Variants in PCDHGA7 observed in about 807,000 individuals in gnomAD.
PCDHGA7 encodes protocadherin gamma-A7.
A neutral mutation model predicts 58.3 loss-of-function variants in PCDHGA7; 44 were observed. That is an observed-to-expected ratio of 0.75 (90% confidence interval 0.59 to 0.97). The LOEUF (loss-of-function observed/expected upper bound fraction) is 0.97. Among genes scored for constraint, PCDHGA7 ranks in the 50% least tolerant of loss-of-function variants. The probability of loss-of-function intolerance (pLI) is 0.00; values close to 1 mark genes in which losing one functional copy is unlikely to be tolerated. For synonymous variants in PCDHGA7, 516 were observed against 504.2 expected (o/e 1.02, Z -0.31); for missense variants, 1,266 against 1,188.7 (o/e 1.06, Z -0.96).
In PCDHGA7 at chr5:141,453,101, TTTTTG is replaced by T. The variant is rs879618609; in HGVS notation, c.2425-41681_2425-41677del. ...GTTGATTAGTATATTTTCTGTTGCT[TTTTTG>T]TTTTGTTTTGTTTTGTTTTGTTTTT... On this transcript the variant is annotated intron_variant, in intron 1 of 3. Transcript: ENST00000518325. 4.4e-4 allele frequency among the ~76,000 whole-genome samples: 67 copies of T among 152,130 alleles called. 1 individual carries two copies. Among genetic ancestry groups the T allele is most frequent in the African/African-American group, 1.4e-3 (58 of 41,484 alleles).
At chr5:141,453,420 C>A (rs2098764964) in intron 1 of PCDHGA7, among the ~76,000 whole-genome samples, 1 of 152,054 alleles carries the variant, frequency 6.6e-6, no homozygotes, top group African/African-American at 2.4e-5. Context: ...GCATAAGCCA[C>A]CACACCTAGC....
At chr5:141,386,251 C>A (rs2090509345) in intron 1 of PCDHGA7, among the ~76,000 whole-genome samples, 2 of 152,070 alleles carry the variant, frequency 1.3e-5, no homozygotes, top group Admixed American at 1.3e-4. Context: ...GGAAATAACC[C>A]AATCTGGGAT....
At chr5:141,388,887 G>T (rs1445900617) in intron 1 of PCDHGA7, 1 of 1,613,988 alleles carries the variant, frequency 6.2e-7, no homozygotes, top group South Asian at 1.1e-5. Context: ...GGAGGTAGAA[G>T]TCATAGATGA....
chr5:141,392,498 A>AT (rs201401101), intron 1 of PCDHGA7: 334 of 217,284 alleles, frequency 1.5e-3, no homozygotes, highest in East Asian at 0.014. Flanking sequence ...TAAGCAAATG[A>AT]TTTTTTTTTC....
chr5:141,459,886 G>A (rs932435611), intron 1 of PCDHGA7, among the ~76,000 whole-genome samples: 2 of 152,080 alleles, frequency 1.3e-5, no homozygotes, highest in Non-Finnish European at 2.9e-5. Context: ...TGAGCTGAAC[G>A]CCTTCTTAAA....
intron 1 of PCDHGA7, among the ~76,000 whole-genome samples, chr5:141,437,228 A>C (rs1410620126): frequency 6.6e-6 from 1 of 152,228 alleles, no homozygotes; most frequent in Non-Finnish European, 1.5e-5. Context: ...CCAGTCATAA[A>C]ATTATGTCAA....
In PCDHGA7 at chr5:141,510,980, G is replaced by A; in HGVS notation, c.2606G>A (p.Gly869Asp). The change falls in exon 4 of 4, where the codon GGT becomes GAT. Residue 869 changes from glycine (G) to aspartate (D), a missense_variant. Transcript: ENST00000518325. ...AADGSSTLGGGAGTMGLSARY... is the reference protein window; with the variant it reads ...AADGSSTLGGDAGTMGLSARY... ...GATGGGAGCTCCACCCTGGGAGGGG[G>A]TGCCGGCACCATGGGATTGAGCGCC... 1 of 1,614,170 alleles carries A rather than the reference G, an allele frequency of 6.2e-7. No homozygotes were observed.
chr5:141,480,730 G>A (rs1261461187), intron 1 of PCDHGA7, among the ~76,000 whole-genome samples: 1 of 152,168 alleles, frequency 6.6e-6, no homozygotes, highest in East Asian at 1.9e-4. Flanking sequence ...GTCTCTGGGG[G>A]TGGGACATAG....
chr5:141,410,530 T>C (rs1400165380), intron 1 of PCDHGA7: 1 of 1,613,956 alleles, frequency 6.2e-7, no homozygotes, highest in South Asian at 1.1e-5. Context: ...TACATTCCAA[T>C]GAAGACATGG....
chr5:141,424,319 G>A (rs1014361496), intron 1 of PCDHGA7: 1 of 152,006 alleles, frequency 6.6e-6, no homozygotes, highest in African/African-American at 2.4e-5. Context: ...ATATTGACTG[G>A]CTTTTAACTA....
At chr5:141,503,263 C>T (rs2099818883) in intron 2 of PCDHGA7, among the ~76,000 whole-genome samples, 2 of 152,212 alleles carry the variant, frequency 1.3e-5, no homozygotes, top group South Asian at 4.2e-4. Context: ...GCCACAACCC[C>T]AGCACCTGGC....
At chr5:141,410,161 ACT>A (rs758781174) in intron 1 of PCDHGA7, 27 of 1,613,102 alleles carry the variant, frequency 1.7e-5, no homozygotes, top group South Asian at 1.1e-5. Flanking sequence ...GACAGCCGCC[ACT>A]CTCTGCCACC....
intron 1 of PCDHGA7, chr5:141,399,671 C>T (rs764084700): frequency 1.2e-6 from 2 of 1,613,512 alleles, no homozygotes; most frequent in East Asian, 4.5e-5. Flanking sequence ...GCGCAGCGCG[C>T]CTTTGACTAC....
intron 1 of PCDHGA7, chr5:141,414,623 C>G: frequency 6.2e-7 from 1 of 1,613,938 alleles, no homozygotes; most frequent in South Asian, 1.1e-5. Context: ...GCGCTGGACC[C>G]GGACAGCAAA....
At chr5:141,392,668 C>T in intron 1 of PCDHGA7, 2 of 849,812 alleles carry the variant, frequency 2.4e-6, no homozygotes, top group Admixed American at 3.2e-5. Flanking sequence ...CACAAACTAA[C>T]TGCTGGACTG....
chr5:141,421,353 G>T, intron 1 of PCDHGA7: 1 of 1,613,998 alleles, frequency 6.2e-7, no homozygotes, highest in Non-Finnish European at 8.5e-7. Context: ...AGACCGAAAA[G>T]GGCTCCTTCG....
intron 1 of PCDHGA7, chr5:141,398,625 T>C (rs777533974): frequency 6.2e-7 from 1 of 1,614,046 alleles, no homozygotes; most frequent in South Asian, 1.1e-5. Context: ...GCTTAAACTC[T>C]CTGCAGAAGT....
chr5:141,423,760 G>T, intron 1 of PCDHGA7: 23 of 279,644 alleles, frequency 8.2e-5, no homozygotes, highest in South Asian at 2.0e-4. Flanking sequence ...TGGGGGGGGG[G>T]TGGGGCGGCA....
intron 1 of PCDHGA7, among the ~76,000 whole-genome samples, chr5:141,447,162 G>A (rs1213550616): frequency 6.6e-6 from 1 of 151,700 alleles, no homozygotes; most frequent in African/African-American, 2.4e-5. Flanking sequence ...TTGTTTAAGC[G>A]GGGTCTTGCT....
Sources: allele counts gnomAD v4.1 joint callset (sites outside exome capture counted in the v4.1 genomes callset), GRCh38; gene constraint gnomAD v4.1.1; transcripts MANE v1.5; gene names NCBI Gene and HGNC (gene_info 2026-07-23, HGNC 2026-07-21).